XDH: variants seen among roughly 807,000 people sequenced by gnomAD.
The protein encoded by XDH is xanthine dehydrogenase/oxidase.
XDH carries 138 observed loss-of-function variants against 156.1 expected under a neutral mutation model. The ratio of observed to expected loss-of-function variants is 0.88; its 90% CI spans 0.77 to 1.02. XDH has a LOEUF of 1.02. Among genes scored for constraint, XDH ranks in the 50% least tolerant of loss-of-function variants. The pLI, the probability that XDH is intolerant of heterozygous loss-of-function variation, is 0.00. For missense variants in XDH, 1,849 were observed against 1,684.9 expected (o/e 1.10, Z -1.71); for synonymous variants, 669 against 625.7 (o/e 1.07, Z -1.03).
At chr2:31,392,012 T>C (rs1686778637) in intron 6 of XDH, among the ~76,000 whole-genome samples, 1 of 152,242 alleles carries the variant, frequency 6.6e-6, no homozygotes, top group South Asian at 2.1e-4. Flanking sequence ...TCAGATTATC[T>C]ACTTTTTGTA....
intron 26 of XDH, 137 bp downstream of exon 26, chr2:31,349,549 T>C: frequency 8.0e-7 from 1 of 1,253,698 alleles, no homozygotes; most frequent in Non-Finnish European, 1.2e-6. Context: ...CTTAAAGAGA[T>C]GGCTGTGAAT....
chr2:31,354,959 C>A (rs533116014), intron 24 of XDH, among the ~76,000 whole-genome samples: 1 of 152,104 alleles, frequency 6.6e-6, no homozygotes, highest in East Asian at 1.9e-4. Flanking sequence ...CAGGATAAGC[C>A]TGAAGAAATC....
At chr2:31,379,425 G>A (rs1403376703) in intron 13 of XDH, among the ~76,000 whole-genome samples, 1 of 152,154 alleles carries the variant, frequency 6.6e-6, no homozygotes, top group African/African-American at 2.4e-5. Flanking sequence ...CTCTGACATG[G>A]GCAGGAATCC....
Position 31,335,667 on chromosome 2 carries a change from C to G in XDH, c.*291G>C. The stretch of plus-strand genomic sequence containing the variant: ...GCTGTCCAGTAAGTGGGGAATAGCA[C>G]AAACCCTTCCCGACCCTATTCCAGA... On this transcript the variant is annotated 3_prime_UTR_variant, in exon 36 of 36. Transcript: ENST00000379416. The G allele has an allele frequency of 1.9e-6, 1 of 513,428 alleles. No homozygotes were observed. The highest frequency in any genetic ancestry group is 3.5e-6 in the Non-Finnish European group (1 of 282,350). 31.8% of individuals were successfully genotyped at this position (513,428 alleles called of 1,614,324 possible).
At position 31,365,604 on chromosome 2, in the gene XDH, A is replaced by C; in HGVS notation, c.2457-60T>G. The C allele has an allele frequency of 2.5e-6, 4 of 1,596,518 alleles. No individual in the cohort carries two copies. The South Asian group carries it at 3.3e-5, about 13-fold the overall frequency. On this transcript the variant is annotated intron_variant, in intron 22 of 35. Coordinates refer to ENST00000379416, the MANE Select transcript of XDH (RefSeq NM_000379.4). Reference sequence around the variant, plus strand: ...CCTTCAACAGCAGCTCAGCCCTGCAAGTCTCAGAATAAAAACAGCCGGGAA... The same window carrying C: ...CCTTCAACAGCAGCTCAGCCCTGCACGTCTCAGAATAAAAACAGCCGGGAA...
At chr2:31,387,747 A>G in intron 8 of XDH, 64 bp downstream of exon 8, 1 of 1,436,996 alleles carries the variant, frequency 7.0e-7, no homozygotes, top group Non-Finnish European at 9.6e-7. Context: ...GTATGAAAAT[A>G]AAGCAGGTTT....
At chr2:31,407,706 C>T (rs1013491544) in intron 1 of XDH, among the ~76,000 whole-genome samples, 1 of 152,152 alleles carries the variant, frequency 6.6e-6, no homozygotes, top group Non-Finnish European at 1.5e-5. Flanking sequence ...ATCCTCACCC[C>T]GCCGTCCTGA....
chr2:31,383,260 G>C, intron 10 of XDH, 108 bp from the exon 11 acceptor site: 1 of 1,542,128 alleles, frequency 6.5e-7, no homozygotes, highest in Non-Finnish European at 8.9e-7. Flanking sequence ...GCTGAATCAG[G>C]ACTCACAGCT....
chr2:31,342,161 T>A, intron 32 of XDH, 22 bp downstream of exon 32: 11 of 1,601,340 alleles, frequency 6.9e-6, no homozygotes, highest in Non-Finnish European at 9.4e-6. Flanking sequence ...CACTAAGTAC[T>A]AAAGTTTTGC....
intron 6 of XDH, among the ~76,000 whole-genome samples, chr2:31,396,697 C>T (rs1219254965): frequency 6.6e-6 from 1 of 152,160 alleles, no homozygotes; most frequent in Non-Finnish European, 1.5e-5. Context: ...TGCCCAAGGT[C>T]GTGCATCAAT....
Position 31,403,101 on chromosome 2 carries a change from G to A in XDH, c.144C>T (p.Cys48=), listed in dbSNP as rs369196176. The part of the protein sequence containing the change: ...GTKLGCGEGG[C]GACTVMLSKY... ...TGGAGAGCATCACTGTGCAAGCCCC[G>A]CAGCCCCCCTCTCCACAGCCGAGCT... The change falls in exon 3 of 36, where the codon TGC becomes TGT. Residue 48 remains cysteine, a synonymous_variant. Coordinates refer to ENST00000379416, the MANE Select transcript of XDH (RefSeq NM_000379.4). The A allele has an allele frequency of 4.4e-5, 71 of 1,614,020 alleles. No individual in the cohort carries two copies. The Admixed American group carries it at 5.5e-4, about 13-fold the overall frequency.
At chr2:31,380,605 T>C (rs1331032453) in intron 12 of XDH, among the ~76,000 whole-genome samples, 3 of 152,262 alleles carry the variant, frequency 2.0e-5, no homozygotes, top group Non-Finnish European at 4.4e-5. Context: ...AACTTATTGC[T>C]GGAGGAATTA....
At chr2:31,369,080 T>G (rs1429312298) in intron 18 of XDH, among the ~76,000 whole-genome samples, 1 of 152,184 alleles carries the variant, frequency 6.6e-6, no homozygotes, top group African/African-American at 2.4e-5. Context: ...ATGACTAACC[T>G]TAGGCCCTGA....
chr2:31,343,369 T>C (rs529521717), intron 31 of XDH, among the ~76,000 whole-genome samples: 2 of 143,228 alleles, frequency 1.4e-5, no homozygotes, highest in Non-Finnish European at 3.0e-5. Flanking sequence ...ATATATTCAA[T>C]GTAATATCTA....
intron 24 of XDH, among the ~76,000 whole-genome samples, chr2:31,363,078 G>A (rs1572529252): frequency 6.6e-6 from 1 of 152,208 alleles, no homozygotes; most frequent in East Asian, 1.9e-4. Flanking sequence ...TTGGGAGGCT[G>A]AGGAGGGCTG....
At chr2:31,336,406 C>T (rs45596633) in intron 35 of XDH, among the ~76,000 whole-genome samples, 1 of 152,086 alleles carries the variant, frequency 6.6e-6, no homozygotes, top group Non-Finnish European at 1.5e-5. Context: ...AGAGAGCTTA[C>T]GAAAATGACT....
intron 11 of XDH, 28 bp from the exon 12 acceptor site, chr2:31,381,754 G>GTGAA: frequency 3.1e-6 from 5 of 1,597,378 alleles, no homozygotes; most frequent in Non-Finnish European, 4.3e-6. Context: ...CATGCAGTGA[G>GTGAA]AGCCCACCCC....
intron 13 of XDH, among the ~76,000 whole-genome samples, chr2:31,378,183 C>G (rs111936145): frequency 0.029 from 2,257 of 78,296 alleles, 172 homozygotes; most frequent in African/African-American, 0.091. Context: ...AGGAAGCAAG[C>G]AAGCAAGCAA....
intron 6 of XDH, 134 bp downstream of exon 6, chr2:31,397,534 G>A: frequency 2.7e-6 from 3 of 1,100,142 alleles, no homozygotes; most frequent in Admixed American, 1.7e-5. Flanking sequence ...TGTCCCCAGA[G>A]GGAAGACTCA....
Sources: gnomAD v4.1 joint callset for allele counts (sites outside exome capture counted in the v4.1 genomes callset) on GRCh38, gnomAD v4.1.1 for gene constraint, MANE v1.5 for transcripts, NCBI Gene and HGNC (gene_info 2026-07-23, HGNC 2026-07-21) for gene names.